The following FILIP1 variants were observed in gnomAD, a reference collection of about 807,000 sequenced individuals.
FILIP1 encodes the protein filamin-A-interacting protein 1.
Under a neutral mutation model 102.1 loss-of-function variants are expected in FILIP1, and 61 were observed. That is an observed-to-expected ratio of 0.60 (90% confidence interval 0.49 to 0.74). FILIP1 has a LOEUF of 0.74. Among genes scored for constraint, FILIP1 ranks in the 30% least tolerant of loss-of-function variants. The pLI, the probability that FILIP1 is intolerant of heterozygous loss-of-function variation, is 0.00. For synonymous variants in FILIP1, 491 were observed against 526.9 expected (o/e 0.93, Z 0.93); for missense variants, 1,314 against 1,441.2 (o/e 0.91, Z 1.43).
intron 5 of FILIP1, among the ~76,000 whole-genome samples, chr6:75,309,875 T>C (rs1221592306): frequency 6.6e-6 from 1 of 152,234 alleles, no homozygotes; most frequent in African/African-American, 2.4e-5. Context: ...ATCATTAAGA[T>C]AGAGAATTGC....
chr6:75,314,046 G>A lies in FILIP1; in HGVS notation c.1786C>T (p.Leu596=), dbSNP rs1004912449. 3 of 1,519,732 alleles carry A rather than the reference G, an allele frequency of 2.0e-6. No homozygotes were observed. Among genetic ancestry groups the A allele is most frequent in the Middle Eastern group, 1.8e-4 (1 of 5,634 alleles). The allele number at this position is 1,519,732 out of a possible 1,614,324, so 94.1% of individuals were successfully genotyped here. The change falls in exon 5 of 6, where the codon CTA becomes TTA. Residue 596 remains leucine, a synonymous_variant. Coordinates refer to ENST00000237172, the MANE Select transcript of FILIP1 (RefSeq NM_015687.5). ...TCTATACCATCAAGTCTCTTCTTTA[G>A]TAAGTCAACACTGCAGCTTAATTCA... is the stretch of plus-strand genomic sequence containing the variant. ...SSELSCSVDL[L]KKRLDGIEEV...
At chr6:75,440,848 C>T (rs906632948) in intron 1 of FILIP1, among the ~76,000 whole-genome samples, 3 of 151,108 alleles carry the variant, frequency 2.0e-5, no homozygotes, top group African/African-American at 7.3e-5. Flanking sequence ...ACTTGGGAGG[C>T]TGAGGCAAGA....
chr6:75,441,787 G>A (rs1778252386), intron 1 of FILIP1, among the ~76,000 whole-genome samples: 1 of 148,460 alleles, frequency 6.7e-6, no homozygotes, highest in Admixed American at 6.6e-5. Context: ...GGGCAGCCGG[G>A]CAGAGGTGCC....
In FILIP1 at chr6:75,313,203, C is replaced by G; in HGVS notation, c.2629G>C (p.Glu877Gln). The G allele has an allele frequency of 6.2e-7, 1 of 1,614,038 alleles. No homozygotes were observed. Among genetic ancestry groups the G allele is most frequent in the Non-Finnish European group, 8.5e-7 (1 of 1,180,022 alleles). The change falls in exon 5 of 6, where the codon GAA (glutamate) becomes CAA (glutamine). Residue 877 changes from glutamate to glutamine, a missense_variant. Glu to Gln is a conservative substitution (Grantham distance 29, BLOSUM62 2). Transcript: ENST00000237172. This position sits in a 1 kb window ranked among gnomAD's most constrained non-coding sequence, Gnocchi z 4.2. ...TCCTGAGTGATGGAGGGGCCGTTTT[C>G]CCTCTTTCTCATCCATGGAATCCAA... The part of the protein sequence containing the change: ...KSWIPWMRKR[E>Q]NGPSITQEKG...
chr6:75,407,805 G>A lies in FILIP1; in HGVS notation c.276+6892C>T, dbSNP rs7759641. 7.2e-3 allele frequency among the ~76,000 whole-genome samples: 1,096 copies of A among 152,232 alleles called. 12 individuals carry two copies. Among genetic ancestry groups the A allele is most frequent in the African/African-American group, 0.025 (1,056 of 41,552 alleles). Reference sequence around the variant, plus strand: ...TTAGATCGTTTTTTGCTAAAATGTAGCCAAGTAAAAATATCAAGGGAATTT... The same window carrying A: ...TTAGATCGTTTTTTGCTAAAATGTAACCAAGTAAAAATATCAAGGGAATTT... On this transcript the variant is annotated intron_variant, in intron 2 of 5. Coordinates refer to ENST00000237172, the MANE Select transcript of FILIP1 (RefSeq NM_015687.5).
intron 1 of FILIP1, among the ~76,000 whole-genome samples, chr6:75,487,526 T>C (rs1327351961): frequency 6.6e-6 from 1 of 152,064 alleles, no homozygotes; most frequent in East Asian, 1.9e-4. Flanking sequence ...ATTCCCATTA[T>C]TGTGTCATCT....
rs144680043 is a variant in FILIP1, at chr6:75,311,444, G to A, written c.3435+953C>T. On this transcript the variant is annotated intron_variant, in intron 5 of 5. Transcript: ENST00000237172. ...GTTCCGGCTTTTGTGCTTTGCACATGCTTTTCAATAATCATTCATTTAGCC... is the reference window on the plus strand; with the variant it reads ...GTTCCGGCTTTTGTGCTTTGCACATACTTTTCAATAATCATTCATTTAGCC... 1.8e-3 allele frequency among the ~76,000 whole-genome samples: 271 copies of A among 151,052 alleles called. 1 individual carries two copies. The highest frequency in any genetic ancestry group is 6.3e-3 in the African/African-American group (260 of 41,050).
At chr6:75,304,096 C>T (rs1772916810), downstream of FILIP1, among the ~76,000 whole-genome samples, 1 of 151,892 alleles carries the variant, frequency 6.6e-6, no homozygotes, top group Non-Finnish European at 1.5e-5. Flanking sequence ...TATGGAAAAC[C>T]AAGCAGATGA....
chr6:75,431,877 C>A (rs2703704), intron 1 of FILIP1, among the ~76,000 whole-genome samples: 148,218 of 152,342 alleles, frequency 0.97, 72,115 homozygotes, highest in East Asian at 1. Context: ...AAAGATAAGA[C>A]GAATGTGTTT....
chr6:75,422,596 C>T (rs1178607088), intron 1 of FILIP1, among the ~76,000 whole-genome samples: 3 of 152,092 alleles, frequency 2.0e-5, no homozygotes, highest in African/African-American at 7.2e-5. Context: ...AGACAAGTAC[C>T]TTAGGCATTA....
chr6:75,415,639 T>C (rs1201460206), intron 1 of FILIP1, among the ~76,000 whole-genome samples: 7 of 151,678 alleles, frequency 4.6e-5, no homozygotes, highest in Admixed American at 3.9e-4. Context: ...TTTAGTGATA[T>C]GCGATTCTAT....
At chr6:75,394,626 GA>G (rs1776401241) in intron 2 of FILIP1, among the ~76,000 whole-genome samples, 1 of 152,020 alleles carries the variant, frequency 6.6e-6, no homozygotes, top group African/African-American at 2.4e-5. Flanking sequence ...GCAAAGATAA[GA>G]ACAGACTAAT....
chr6:75,407,593 C>T (rs1172801744), intron 2 of FILIP1, among the ~76,000 whole-genome samples: 2 of 152,164 alleles, frequency 1.3e-5, no homozygotes, highest in Non-Finnish European at 2.9e-5. Flanking sequence ...GAGAGTCATT[C>T]TTGACTCTCA....
At chr6:75,489,115 T>C (rs1406659341) in intron 1 of FILIP1, among the ~76,000 whole-genome samples, 2 of 152,142 alleles carry the variant, frequency 1.3e-5, no homozygotes, top group Non-Finnish European at 2.9e-5. Flanking sequence ...CATTACCCAG[T>C]ATAGTCGGCT....
intron 1 of FILIP1, among the ~76,000 whole-genome samples, chr6:75,473,204 C>T (rs1347265364): frequency 1.3e-5 from 2 of 151,984 alleles, no homozygotes; most frequent in Non-Finnish European, 2.9e-5. Flanking sequence ...CCTCAAAGTG[C>T]TTATTTATGA....
At chr6:75,297,660 T>C (rs1772719720) in intron 6 of FILIP1, among the ~76,000 whole-genome samples, 1 of 152,130 alleles carries the variant, frequency 6.6e-6, no homozygotes. Context: ...TAAGTACTAA[T>C]TAATATCATG....
At chr6:75,437,496 C>T (rs1778064858) in intron 1 of FILIP1, among the ~76,000 whole-genome samples, 1 of 152,228 alleles carries the variant, frequency 6.6e-6, no homozygotes. Context: ...AGAGATGCCT[C>T]ATGGGAGAGC....
chr6:75,395,274 A>T (rs917032393), intron 2 of FILIP1, among the ~76,000 whole-genome samples: 1 of 152,272 alleles, frequency 6.6e-6, no homozygotes, highest in Admixed American at 6.5e-5. Flanking sequence ...AATAGTTTTA[A>T]CATAATTTTT....
rs573951395 is a variant in FILIP1 at position 75,423,880 on chromosome 6, G to A, written c.-6-8902C>T. On this transcript the variant is annotated intron_variant, in intron 1 of 5. Transcript: ENST00000237172. ...TGAAGCATGGATTTTTATGCTACAG[G>A]ATTAAACAAACTTATTTCTCATTGG... Among the ~76,000 whole-genome samples, 13 of 152,210 alleles carry A rather than the reference G, an allele frequency of 8.5e-5. No homozygotes were observed. In the South Asian group the frequency reaches 2.7e-3, roughly 32 times the overall value.
Sources: gnomAD v4.1 joint callset for allele counts (sites outside exome capture counted in the v4.1 genomes callset) on GRCh38, gnomAD v4.1.1 for gene constraint, Gnocchi (gnomAD v3.1) non-coding constraint, MANE v1.5 for transcripts, NCBI Gene and HGNC (gene_info 2026-07-23, HGNC 2026-07-21) for gene names.